The following TMEM132D variants were observed in gnomAD, a reference collection of about 807,000 sequenced individuals.
TMEM132D encodes the protein mature OL transmembrane protein.
In TMEM132D, 21 loss-of-function variants were observed where a neutral mutation model predicts 62.3. The observed-to-expected ratio is 0.34, with a 90% CI of 0.24 to 0.49. The LOEUF (loss-of-function observed/expected upper bound fraction) is 0.49, where lower values mean the gene tolerates loss of function less well. TMEM132D is among the 20% of genes least tolerant of loss of function. The pLI is 0.99. For missense variants in TMEM132D, 1,346 were observed against 1,402.8 expected (o/e 0.96, Z 0.65); for synonymous variants, 621 against 575.6 (o/e 1.08, Z -1.13).
At chr12:129,576,858 A>C (rs578038119) in intron 2 of TMEM132D, among the ~76,000 whole-genome samples, 4 of 152,060 alleles carry the variant, frequency 2.6e-5, no homozygotes, top group African/African-American at 4.8e-5. Flanking sequence ...CGCTCGGAAA[A>C]TCATAAGAAA....
intron 3 of TMEM132D, among the ~76,000 whole-genome samples, chr12:129,365,529 C>A (rs1013876905): frequency 5.3e-5 from 8 of 152,186 alleles, no homozygotes; most frequent in Middle Eastern, 6.8e-3. Context: ...ATTTTGGATG[C>A]AAGGTGTTTG....
At chr12:129,749,124 T>G (rs1432362941) in intron 1 of TMEM132D, among the ~76,000 whole-genome samples, 1 of 152,196 alleles carries the variant, frequency 6.6e-6, no homozygotes, top group Admixed American at 6.5e-5. Context: ...ACTGGTATCA[T>G]GGTTATTGAT....
At chr12:129,765,614 G>A (rs1005324253) in intron 1 of TMEM132D, among the ~76,000 whole-genome samples, 3 of 150,394 alleles carry the variant, frequency 2.0e-5, no homozygotes, top group African/African-American at 7.3e-5. Context: ...TTCAAATTCT[G>A]TTCTGTCCAC....
intron 2 of TMEM132D, among the ~76,000 whole-genome samples, chr12:129,565,292 G>A (rs1002555056): frequency 6.6e-6 from 1 of 152,196 alleles, no homozygotes; most frequent in African/African-American, 2.4e-5. Context: ...ACAGAAGCAG[G>A]AAACTAGACC....
intron 1 of TMEM132D, among the ~76,000 whole-genome samples, chr12:129,792,298 C>T (rs547511009): frequency 6.6e-6 from 1 of 152,302 alleles, no homozygotes; most frequent in East Asian, 1.9e-4. Flanking sequence ...CTACACCTCT[C>T]ACCATTGATA....
At chr12:129,666,022 T>C (rs1880368773) in intron 2 of TMEM132D, among the ~76,000 whole-genome samples, 1 of 152,236 alleles carries the variant, frequency 6.6e-6, no homozygotes, top group East Asian at 1.9e-4. Flanking sequence ...AATGGGCCGA[T>C]GGGCTTTGGG....
intron 1 of TMEM132D, among the ~76,000 whole-genome samples, chr12:129,899,934 C>T (rs1875297318): frequency 6.6e-6 from 1 of 150,928 alleles, no homozygotes; most frequent in Non-Finnish European, 1.5e-5. Flanking sequence ...TTCCTGACCC[C>T]TAAAGAAGTT....
At chr12:129,437,408 T>A (rs1872815266) in intron 3 of TMEM132D, among the ~76,000 whole-genome samples, 1 of 152,220 alleles carries the variant, frequency 6.6e-6, no homozygotes, top group Non-Finnish European at 1.5e-5. Context: ...ATTTGGGGTA[T>A]AACAGCCTAT....
chr12:129,801,353 C>T (rs1213189967), intron 1 of TMEM132D, among the ~76,000 whole-genome samples: 1 of 19,844 alleles, frequency 5.0e-5, no homozygotes, highest in East Asian at 1.0e-3. Flanking sequence ...CTGAGATGGG[C>T]AGACTGCCTC....
chr12:129,086,839 T>G (rs1257071250), intron 5 of TMEM132D, among the ~76,000 whole-genome samples: 1 of 151,906 alleles, frequency 6.6e-6, no homozygotes, highest in African/African-American at 2.4e-5. Flanking sequence ...TGCAGGTATT[T>G]TTTCAATGTA....
At chr12:129,221,782 T>C (rs1375940922) in intron 4 of TMEM132D, among the ~76,000 whole-genome samples, 1 of 152,208 alleles carries the variant, frequency 6.6e-6, no homozygotes, top group African/African-American at 2.4e-5. Flanking sequence ...GGCCAAACTC[T>C]GTTATTTGAG....
chr12:129,372,739 A>C (rs1428547933), intron 3 of TMEM132D, among the ~76,000 whole-genome samples: 1 of 151,658 alleles, frequency 6.6e-6, no homozygotes, highest in African/African-American at 2.4e-5. Context: ...TGTCTCCCCC[A>C]GATGGGACCA....
At chr12:129,209,753 T>C (rs980228379) in intron 4 of TMEM132D, 90 bp from the exon 5 acceptor site, 2 of 1,548,778 alleles carry the variant, frequency 1.3e-6, no homozygotes, top group South Asian at 2.4e-5. Context: ...TCAGCCTCCC[T>C]GCAAACAGCA....
At chr12:129,139,516 T>C (rs1470557275) in intron 5 of TMEM132D, among the ~76,000 whole-genome samples, 1 of 152,114 alleles carries the variant, frequency 6.6e-6, no homozygotes, top group Non-Finnish European at 1.5e-5. Flanking sequence ...AAAGGGATCT[T>C]TTTACCCAAC....
At chr12:129,808,273 T>A (rs1872058878) in intron 1 of TMEM132D, among the ~76,000 whole-genome samples, 1 of 152,198 alleles carries the variant, frequency 6.6e-6, no homozygotes, top group Non-Finnish European at 1.5e-5. Flanking sequence ...GAAGTCAATA[T>A]TATTAGATCG....
chr12:129,424,574 G>T (rs981635907), intron 3 of TMEM132D, among the ~76,000 whole-genome samples: 1 of 151,810 alleles, frequency 6.6e-6, no homozygotes, highest in Non-Finnish European at 1.5e-5. Flanking sequence ...CGGGCGTGGT[G>T]GTGGGCACCT....
chr12:129,274,385 C>A (rs1034950295), intron 4 of TMEM132D, among the ~76,000 whole-genome samples: 1 of 152,276 alleles, frequency 6.6e-6, no homozygotes, highest in East Asian at 1.9e-4. Flanking sequence ...AGATACATGG[C>A]GAGGTACAGG....
At chr12:129,422,358 T>C (rs1872353338) in intron 3 of TMEM132D, among the ~76,000 whole-genome samples, 1 of 152,126 alleles carries the variant, frequency 6.6e-6, no homozygotes, top group Non-Finnish European at 1.5e-5. Flanking sequence ...GTGATAAAGA[T>C]AAACAACTTG....
chr12:129,734,292 C>G (rs1033414730), intron 1 of TMEM132D, among the ~76,000 whole-genome samples: 1 of 152,148 alleles, frequency 6.6e-6, no homozygotes, highest in Non-Finnish European at 1.5e-5. Context: ...CCAAAAGAAC[C>G]TTTTCCCTAT....
Sources: allele counts gnomAD v4.1 joint callset (sites outside exome capture counted in the v4.1 genomes callset), GRCh38; gene constraint gnomAD v4.1.1; transcripts MANE v1.5; gene names NCBI Gene and HGNC (gene_info 2026-07-23, HGNC 2026-07-21).